The following BICRA variants were observed in gnomAD, a reference collection of about 807,000 sequenced individuals.
The protein encoded by BICRA is BRD4-interacting chromatin-remodeling complex-associated protein.
In BICRA, 31 loss-of-function variants were observed where a neutral mutation model predicts 96.9. The ratio of observed to expected loss-of-function variants is 0.32; its 90% CI spans 0.24 to 0.43. BICRA has a LOEUF of 0.43. Among genes scored for constraint, BICRA ranks in the 20% least tolerant of loss-of-function variants. BICRA has a pLI of 1.00. For synonymous variants in BICRA, 1,350 were observed against 1,071.8 expected (o/e 1.26, Z -5.07); for missense variants, 2,283 against 2,190.3 (o/e 1.04, Z -0.84).
chr19:47,695,871 T>G (rs1973332967), intron 10 of BICRA, among the ~76,000 whole-genome samples: 1 of 149,230 alleles, frequency 6.7e-6, no homozygotes, highest in African/African-American at 2.5e-5. Context: ...GGACCGAGAA[T>G]GAAAGGGTGA....
Position 47,619,233 on chromosome 19 carries a change from CT to C in BICRA, c.-108+10075del, listed in dbSNP as rs58149355. Among the ~76,000 whole-genome samples the C allele has an allele frequency of 5.7e-3, 779 of 136,408 alleles. 5 individuals are homozygous for C. Among genetic ancestry groups the C allele is most frequent in the African/African-American group, 0.02 (744 of 36,306 alleles). The allele number at this position is 136,408 out of a possible 152,430, so 89.5% of individuals were successfully genotyped here. A position where few individuals can be genotyped will look rare whatever the true frequency, so the allele number is the denominator to read the frequency against. Reference sequence around the variant, plus strand: ...ATATACACATTTTTTTTCCCAACCCCTTTTTTTTTTCCTTTTTTTTGTGTGT... The same window carrying C: ...ATATACACATTTTTTTTCCCAACCCCTTTTTTTTTCCTTTTTTTTGTGTGT... On this transcript the variant is annotated intron_variant, in intron 1 of 14. Coordinates refer to ENST00000594866, the MANE Select transcript of BICRA (RefSeq NM_001394372.1).
At chr19:47,666,257 A>G (rs1972777243) in intron 1 of BICRA, among the ~76,000 whole-genome samples, 2 of 150,842 alleles carry the variant, frequency 1.3e-5, no homozygotes, top group Admixed American at 1.3e-4. Flanking sequence ...CAGTAACCCC[A>G]GCCCCTCGCC....
chr19:47,620,251 G>C (rs115049545), intron 1 of BICRA, among the ~76,000 whole-genome samples: 1 of 152,184 alleles, frequency 6.6e-6, no homozygotes, highest in African/African-American at 2.4e-5. Flanking sequence ...AGCTCCTGGT[G>C]TGCAGTAGGT....
chr19:47,701,384 G>C lies in BICRA; in HGVS notation c.3652G>C (p.Gly1218Arg). ...CCTCCCCATCGCAGCCTCTTCCGAG[G>C]GTCATCGGCTTCCCGGCCACGGCCC... ...LGLPIAASSE[G>R]HRLPGHGPLS... Residue 1218 changes from glycine to arginine, a missense_variant, in exon 15 of 15, where the codon GGT becomes CGT. By Grantham distance (125) the Gly-to-Arg change is moderately radical. Transcript: ENST00000594866. The surrounding 1 kb of genome is among the most constrained non-coding windows in gnomAD (Gnocchi z 5.4). 6.2e-7 allele frequency: 1 copy of C among 1,609,688 alleles called. No homozygotes were observed. The highest frequency in any genetic ancestry group is 1.1e-5 in the South Asian group (1 of 90,450).
chr19:47,681,147 T>G lies in BICRA; in HGVS notation c.1977T>G (p.Pro659=). 1 of 1,306,852 alleles carries G rather than the reference T, an allele frequency of 7.7e-7. No individual in the cohort carries two copies. The highest frequency in any genetic ancestry group is 1.0e-6 in the Non-Finnish European group (1 of 991,590). The allele number at this position is 1,306,852 out of a possible 1,614,324, so 81.0% of individuals were successfully genotyped here. Residue 659 remains proline, a synonymous_variant, in exon 6 of 15, where the codon CCT becomes CCG. Coordinates refer to ENST00000594866, the MANE Select transcript of BICRA (RefSeq NM_001394372.1). ...QAPTPQAAAP[P]QATTPQPSPG... ...CCACCCCACAGGCCGCCGCCCCGCC[T>G]CAGGCCACCACCCCCCAGCCCAGCC... is the stretch of plus-strand genomic sequence containing the variant.
chr19:47,685,806 T>C (rs1231646593), intron 7 of BICRA, among the ~76,000 whole-genome samples: 6 of 132,838 alleles, frequency 4.5e-5, no homozygotes, highest in Non-Finnish European at 6.4e-5. Context: ...CGCGCATGCG[T>C]ACATTTTCCC....
intron 2 of BICRA, among the ~76,000 whole-genome samples, chr19:47,673,129 G>A (rs1457678990): frequency 6.6e-6 from 1 of 152,152 alleles, no homozygotes; most frequent in Non-Finnish European, 1.5e-5. Context: ...GTGGTGAAGA[G>A]CAGGGCTCAG....
intron 1 of BICRA, among the ~76,000 whole-genome samples, chr19:47,613,854 A>G (rs752333063): frequency 5.3e-5 from 8 of 151,866 alleles, no homozygotes; most frequent in Non-Finnish European, 8.8e-5. Context: ...CCCAGTGGAG[A>G]GGGAGAGTTT....
In BICRA at chr19:47,702,452, G is replaced by A. The variant is rs371716025; in HGVS notation, c.*37G>A. 6.9e-5 allele frequency: 100 copies of A among 1,443,330 alleles called. No individual in the cohort carries two copies. The African/African-American group carries it at 1.2e-3, about 18-fold the overall frequency. 89.4% of individuals were successfully genotyped at this position (1,443,330 alleles called of 1,614,324 possible). A position where few individuals can be genotyped will look rare whatever the true frequency, so the allele number is the denominator to read the frequency against. On this transcript the variant is annotated 3_prime_UTR_variant, in exon 15 of 15. Coordinates refer to ENST00000594866, the MANE Select transcript of BICRA (RefSeq NM_001394372.1). ...CTCCCCTTCCCCGTCCCCTCCTCCCGAAGACGCCGGGACAGTCGGGTGTCC... is the reference window on the plus strand; with the variant it reads ...CTCCCCTTCCCCGTCCCCTCCTCCCAAAGACGCCGGGACAGTCGGGTGTCC...
rs1973376653 is a variant in BICRA, at chr19:47,698,167, G to C, written c.3249-467G>C. On this transcript the variant is annotated intron_variant, in intron 11 of 14. Coordinates refer to ENST00000594866, the MANE Select transcript of BICRA (RefSeq NM_001394372.1). The surrounding 1 kb of genome is among the most constrained non-coding windows in gnomAD (Gnocchi z 4.8). ...GCCTGGTGGGGGAGACAGTCACACT[G>C]CCAACAGACAAAACCCATTGTAACA... Among the ~76,000 whole-genome samples the C allele has an allele frequency of 6.6e-6, 1 of 152,146 alleles. No homozygotes were observed. Among genetic ancestry groups the C allele is most frequent in the African/African-American group, 2.4e-5 (1 of 41,426 alleles).
chr19:47,658,231 G>A (rs137865228), intron 1 of BICRA, among the ~76,000 whole-genome samples: 72 of 152,210 alleles, frequency 4.7e-4, no homozygotes, highest in Middle Eastern at 6.8e-3. Context: ...AGGATGTTGG[G>A]GCTGGAAGTG....
At chr19:47,672,872 C>G (rs2123576286) in intron 2 of BICRA, among the ~76,000 whole-genome samples, 1 of 152,154 alleles carries the variant, frequency 6.6e-6, no homozygotes, top group East Asian at 1.9e-4. Flanking sequence ...TAGGGCTCAG[C>G]CTTGCCCCGG....
At chr19:47,663,593 C>T (rs1036491421) in intron 1 of BICRA, 3 of 152,096 alleles carry the variant, frequency 2.0e-5, no homozygotes, top group Admixed American at 6.6e-5. Context: ...GAAAACTTTC[C>T]CTGAAAGTCT....
chr19:47,682,239 G>T (rs1973076446), intron 7 of BICRA, 87 bp downstream of exon 7: 3 of 616,810 alleles, frequency 4.9e-6, no homozygotes, highest in East Asian at 2.8e-5. Context: ...TCTCCGCCCT[G>T]CCTGCGTCTC....
intron 2 of BICRA, among the ~76,000 whole-genome samples, chr19:47,672,862 T>C (rs1972887299): frequency 6.6e-6 from 1 of 152,042 alleles, no homozygotes; most frequent in South Asian, 2.1e-4. Context: ...ATTCAGACCA[T>C]AGGGCTCAGC....
intron 1 of BICRA, chr19:47,663,352 C>CT (rs897438767): frequency 3.3e-5 from 5 of 152,316 alleles, no homozygotes; most frequent in African/African-American, 1.2e-4. Context: ...CGCCACTGCA[C>CT]TCCAGCCTGG....
intron 1 of BICRA, among the ~76,000 whole-genome samples, chr19:47,625,638 G>A (rs2123515955): frequency 6.6e-6 from 1 of 152,216 alleles, no homozygotes; most frequent in South Asian, 2.1e-4. Context: ...GAGCTGAGTT[G>A]GAGGCTTAGG....
At chr19:47,654,237 G>A (rs1031665027) in intron 1 of BICRA, among the ~76,000 whole-genome samples, 1 of 152,150 alleles carries the variant, frequency 6.6e-6, no homozygotes, top group Admixed American at 6.5e-5. Context: ...CCTAATGGAT[G>A]CGAAATGGTA....
At chr19:47,685,924 C>T (rs1973150978) in intron 7 of BICRA, among the ~76,000 whole-genome samples, 1 of 151,824 alleles carries the variant, frequency 6.6e-6, no homozygotes, top group South Asian at 2.1e-4. Flanking sequence ...TTTTCCTTGA[C>T]CCACCACCCG....
Sources: allele counts gnomAD v4.1 joint callset (sites outside exome capture counted in the v4.1 genomes callset), GRCh38; gene constraint gnomAD v4.1.1; non-coding constraint Gnocchi (gnomAD v3.1); transcripts MANE v1.5; gene names NCBI Gene and HGNC (gene_info 2026-07-23, HGNC 2026-07-21).